Variants in ADSL observed in about 807,000 individuals in gnomAD.
ADSL encodes adenylosuccinase.
Under a neutral mutation model 62.1 loss-of-function variants are expected in ADSL, and 44 were observed. The observed-to-expected ratio is 0.71, with a 90% CI of 0.56 to 0.91. The LOEUF is 0.91. Among genes scored for constraint, ADSL ranks in the 40% least tolerant of loss-of-function variants. ADSL has a pLI of 0.00. For synonymous variants in ADSL, 198 were observed against 220.5 expected, an observed-to-expected ratio of 0.90 and a Z score of 0.90; for missense variants, 531 against 627.4, an observed-to-expected ratio of 0.85 and a Z score of 1.64.
chr22:40,358,420 C>CA (rs1555907386), intron 4 of ADSL, among the ~76,000 whole-genome samples: 2 of 152,000 alleles, frequency 1.3e-5, no homozygotes, highest in African/African-American at 2.4e-5. Context: ...CCCGTCACTA[C>CA]AAAAAATTTA....
chr22:40,376,975 G>A (rs959215707), intron 2 of ADSL, among the ~76,000 whole-genome samples: 3 of 152,100 alleles, frequency 2.0e-5, no homozygotes, highest in African/African-American at 7.2e-5. Context: ...ATCACTGTCC[G>A]GCAGGAAACA....
intron 3 of ADSL, chr22:40,353,771 A>G: frequency 3.8e-6 from 1 of 260,362 alleles, no homozygotes; most frequent in Non-Finnish European, 7.4e-6. Flanking sequence ...GACTACTGGC[A>G]CCCGCCACTA....
intron 8 of ADSL, 61 bp from the exon 9 acceptor site, chr22:40,361,427 C>T (rs747795641): frequency 6.2e-7 from 1 of 1,613,376 alleles, no homozygotes. Flanking sequence ...GCATGCTTGC[C>T]TACTCACTAT....
chr22:40,354,309 T>C lies in ADSL; in HGVS notation c.464T>C (p.Leu155Ser), dbSNP rs2044467047. ...AAGGAACGAGCCAGTCTACCCACAT[T>C]AGGTTTCACACATTTCCAGTAAGTG... Reference protein sequence around the residue: ...FAKERASLPTLGFTHFQPAQL... With the variant: ...FAKERASLPTSGFTHFQPAQL... Residue 155 changes from leucine (L) to serine (S), a missense_variant, in exon 4 of 13, where the codon TTA becomes TCA. Coordinates refer to ENST00000623063, the MANE Select transcript of ADSL (RefSeq NM_000026.4). 1 of 1,614,014 alleles carries C rather than the reference T, an allele frequency of 6.2e-7. No homozygotes were observed. Among genetic ancestry groups the C allele is most frequent in the Admixed American group, 1.7e-5 (1 of 60,010 alleles).
At position 40,346,508 on chromosome 22, in the gene ADSL, G is replaced by A. The variant is rs2044142037; in HGVS notation, c.-51G>A. 3 of 1,560,902 alleles carry A rather than the reference G, an allele frequency of 1.9e-6. No homozygotes were observed. Among genetic ancestry groups the A allele is most frequent in the Non-Finnish European group, 8.6e-7 (1 of 1,157,090 alleles). On this transcript the variant is annotated 5_prime_UTR_variant, in exon 1 of 13. Coordinates refer to ENST00000623063, the MANE Select transcript of ADSL (RefSeq NM_000026.4). ...GTCCTGCCCTGGCCTCCAGGTTTCCGCTTCCGCTCTTCCCTGGTCCAGTCC... is the reference window on the plus strand; with the variant it reads ...GTCCTGCCCTGGCCTCCAGGTTTCCACTTCCGCTCTTCCCTGGTCCAGTCC...
intron 6 of ADSL, among the ~76,000 whole-genome samples, chr22:40,359,644 C>A (rs1601584329): frequency 6.6e-6 from 1 of 151,922 alleles, no homozygotes; most frequent in Non-Finnish European, 1.5e-5. Flanking sequence ...TTCAAGCAGT[C>A]CTTCCACCTA....
rs148836740 is a variant in ADSL at position 40,387,119 on chromosome 22, GGTCA to G, written c.90-3107_90-3104del. On this transcript the variant is annotated intron_variant, in intron 2 of 2. Transcript: ENST00000498234. ...GTATGGTATAGTGAGACTGCTGAGGGGTCAGTCCTTTGCTGAGGTGTAAAATGGG... is the reference window on the plus strand; with the variant it reads ...GTATGGTATAGTGAGACTGCTGAGGGGTCCTTTGCTGAGGTGTAAAATGGG... The G allele has an allele frequency of 3.2e-3, 1,257 of 397,604 alleles. 12 individuals are homozygous for G. The highest frequency in any genetic ancestry group is 0.023 in the African/African-American group (1,103 of 48,684). The allele number at this position is 397,604 out of a possible 1,614,324, so 24.6% of individuals were successfully genotyped here. A position where few individuals can be genotyped will look rare whatever the true frequency, so the allele number is the denominator to read the frequency against.
intron 2 of ADSL, among the ~76,000 whole-genome samples, chr22:40,375,136 T>C (rs2046336881): frequency 6.6e-6 from 1 of 152,234 alleles, no homozygotes; most frequent in Non-Finnish European, 1.5e-5. Context: ...TATGCCTCTT[T>C]TGCAGTGATA....
Position 40,360,393 on chromosome 22 carries a change from T to C in ADSL, c.702-9T>C. The C allele has an allele frequency of 3.1e-6, 5 of 1,608,766 alleles. No homozygotes were observed. The highest frequency in any genetic ancestry group is 4.3e-6 in the Non-Finnish European group (5 of 1,175,980). On this transcript the variant is annotated splice_polypyrimidine_tract_variant and intron_variant, in intron 6 of 12. Transcript: ENST00000623063. The stretch of plus-strand genomic sequence containing the variant: ...TTTTAACCTAAGTCTCTCTTGTACT[T>C]ATTCCTAGAGCTTTCATCATCACAG...
intron 2 of ADSL, chr22:40,379,246 T>C (rs2047166849): frequency 6.6e-6 from 1 of 152,246 alleles, no homozygotes; most frequent in African/African-American, 2.4e-5. Context: ...TAATAGGCAC[T>C]CAATAAACAT....
downstream of ADSL, among the ~76,000 whole-genome samples, chr22:40,372,386 A>G (rs2045759585): frequency 1.3e-5 from 2 of 151,560 alleles, no homozygotes; most frequent in Non-Finnish European, 1.5e-5. Flanking sequence ...CGGCCTCCCA[A>G]AGTGCTGGGA....
intron 4 of ADSL, among the ~76,000 whole-genome samples, chr22:40,357,216 C>T (rs2044597399): frequency 6.8e-6 from 1 of 146,980 alleles, no homozygotes; most frequent in Non-Finnish European, 1.5e-5. Flanking sequence ...GTTTTATGTT[C>T]AGAAACAGAC....
chr22:40,360,552 A>G, intron 7 of ADSL, 60 bp downstream of exon 7: 2 of 1,186,692 alleles, frequency 1.7e-6, no homozygotes, highest in South Asian at 2.4e-5. Flanking sequence ...GACAGACTGA[A>G]TTAACCTCAG....
chr22:40,356,377 A>G (rs2044557469), intron 4 of ADSL, among the ~76,000 whole-genome samples: 1 of 151,784 alleles, frequency 6.6e-6, no homozygotes. Context: ...TGTGCTAAAA[A>G]TAACACAAAT....
intron 2 of ADSL, among the ~76,000 whole-genome samples, chr22:40,383,933 A>G (rs1194924186): frequency 6.6e-6 from 1 of 152,192 alleles, no homozygotes; most frequent in East Asian, 1.9e-4. Flanking sequence ...TAGACTTGCA[A>G]CTGATTTGAT....
In ADSL at chr22:40,346,533, C is replaced by T. The variant is rs1393395996; in HGVS notation, c.-26C>T. On this transcript the variant is annotated 5_prime_UTR_variant, in exon 1 of 13. Coordinates refer to ENST00000623063, the MANE Select transcript of ADSL (RefSeq NM_000026.4). ...GCTTCCGCTCTTCCCTGGTCCAGTC[C>T]ACCCTGGCGGGGTCGCAGGGTTGGG... 3 of 1,593,724 alleles carry T rather than the reference C, an allele frequency of 1.9e-6. No individual in the cohort carries two copies. The highest frequency in any genetic ancestry group is 2.6e-6 in the Non-Finnish European group (3 of 1,173,466).
intron 9 of ADSL, 189 bp downstream of exon 9, chr22:40,361,824 C>T (rs1335269262): frequency 1.3e-6 from 1 of 772,618 alleles, no homozygotes; most frequent in African/African-American, 1.7e-5. Context: ...GTACTGGGTA[C>T]TGTGGAGCAA....
chr22:40,346,507 C>G lies in ADSL; in HGVS notation c.-52C>G. 5.1e-6 allele frequency: 8 copies of G among 1,558,610 alleles called. No individual in the cohort carries two copies. Among genetic ancestry groups the G allele is most frequent in the Non-Finnish European group, 6.1e-6 (7 of 1,155,608 alleles). On this transcript the variant is annotated 5_prime_UTR_variant, in exon 1 of 13. Coordinates refer to ENST00000623063, the MANE Select transcript of ADSL (RefSeq NM_000026.4). ...CGTCCTGCCCTGGCCTCCAGGTTTCCGCTTCCGCTCTTCCCTGGTCCAGTC... is the reference window on the plus strand; with the variant it reads ...CGTCCTGCCCTGGCCTCCAGGTTTCGGCTTCCGCTCTTCCCTGGTCCAGTC...
intron 2 of ADSL, among the ~76,000 whole-genome samples, chr22:40,384,570 G>A (rs982978587): frequency 6.6e-6 from 1 of 152,208 alleles, no homozygotes; most frequent in Admixed American, 6.5e-5. Flanking sequence ...CACGAGGTCA[G>A]GAGATCGAGA....
Sources: gnomAD v4.1 joint callset for allele counts (sites outside exome capture counted in the v4.1 genomes callset) on GRCh38, gnomAD v4.1.1 for gene constraint, MANE v1.5 for transcripts, NCBI Gene and HGNC (gene_info 2026-07-23, HGNC 2026-07-21) for gene names.